Variants in PCDHA7 observed in about 807,000 individuals in gnomAD.
PCDHA7 encodes protocadherin alpha-7.
In PCDHA7, 37 loss-of-function variants were observed where a neutral mutation model predicts 57.2. The ratio of observed to expected loss-of-function variants is 0.65; its 90% CI spans 0.50 to 0.85. The LOEUF (loss-of-function observed/expected upper bound fraction) is 0.85. Among genes scored for constraint, PCDHA7 ranks in the 40% least tolerant of loss-of-function variants. The pLI is 0.00. For synonymous variants in PCDHA7, 553 were observed against 558.8 expected (o/e 0.99, Z 0.15); for missense variants, 1,188 against 1,241.8 (o/e 0.96, Z 0.65).
Position 140,834,434 on chromosome 5 carries a change from T to A in PCDHA7, c.51T>A (p.Phe17Leu). The A allele has an allele frequency of 6.2e-7, 1 of 1,610,706 alleles. No individual in the cohort carries two copies. The highest frequency in any genetic ancestry group is 8.5e-7 in the Non-Finnish European group (1 of 1,178,300). The change falls in exon 1 of 4, where the codon TTT becomes TTA. Residue 17 changes from phenylalanine to leucine, a missense_variant. Phe to Leu is a conservative substitution (Grantham distance 22). This residue lies in a region of PCDHA7 where 194 missense variants were observed against 185.8 expected (regional missense o/e 1.04). Coordinates refer to ENST00000525929, the MANE Select transcript of PCDHA7 (RefSeq NM_018910.3). ...YDPGGRHLLL[F>L]IIILAAWEAG... is the part of the protein sequence containing the mutation. Reference sequence around the variant, plus strand: ...CAGGGGGCCGACATCTACTGCTGTTTATTATAATTCTAGCAGCTTGGGAGG... The same window carrying A: ...CAGGGGGCCGACATCTACTGCTGTTAATTATAATTCTAGCAGCTTGGGAGG...
chr5:140,845,017 A>T lies in PCDHA7; in HGVS notation c.2355+8279A>T, dbSNP rs1779662524. On this transcript the variant is annotated intron_variant, in intron 1 of 3. Transcript: ENST00000525929. ...TCACTTATGAACAAATAATGTAATC[A>T]TTTATGGGCATATTTTAGCCCCCTT... Among the ~76,000 whole-genome samples, 2 of 149,310 alleles carry T rather than the reference A, an allele frequency of 1.3e-5. 1 individual carries two copies. The highest frequency in any genetic ancestry group is 3.0e-5 in the Non-Finnish European group (2 of 66,738).
rs1554135389 is a variant in PCDHA7 at position 140,835,887 on chromosome 5, C to T, written c.1504C>T (p.Arg502Cys). The T allele has an allele frequency of 3.7e-6, 6 of 1,611,898 alleles. No homozygotes were observed. In the East Asian group the frequency reaches 1.1e-4, roughly 30 times the overall value. ...YSLVELRVGERALSSYVSVHA... is the reference protein window; with the variant it reads ...YSLVELRVGECALSSYVSVHA... ...GCTGGTGGAGCTGCGGGTGGGCGAG[C>T]GCGCGCTGTCGAGCTACGTGTCAGT... is the stretch of plus-strand genomic sequence containing the variant. The change falls in exon 1 of 4, where the codon CGC becomes TGC. Residue 502 changes from arginine to cysteine, a missense_variant. By Grantham distance (180) the Arg-to-Cys change is radical. Transcript: ENST00000525929.
At chr5:140,962,438 G>A (rs1375451859) in intron 1 of PCDHA7, among the ~76,000 whole-genome samples, 3 of 152,108 alleles carry the variant, frequency 2.0e-5, no homozygotes, top group Non-Finnish European at 2.9e-5. Context: ...CTTATCCAAA[G>A]ATGGCTTGAA....
intron 1 of PCDHA7, among the ~76,000 whole-genome samples, chr5:140,964,239 GTTGGC>G (rs2095819198): frequency 6.6e-6 from 1 of 152,180 alleles, no homozygotes; most frequent in African/African-American, 2.4e-5. Context: ...GGCTGATTGT[GTTGGC>G]TTTATATTTG....
intron 1 of PCDHA7, among the ~76,000 whole-genome samples, chr5:140,895,039 C>T (rs1274502441): frequency 6.6e-6 from 1 of 152,060 alleles, no homozygotes. Context: ...GTCCCCCACC[C>T]ACACCATTCT....
chr5:140,984,960 CAG>C (rs1387655082), intron 3 of PCDHA7, among the ~76,000 whole-genome samples: 2 of 151,386 alleles, frequency 1.3e-5, no homozygotes, highest in African/African-American at 4.9e-5. Context: ...TTTTTTGAGA[CAG>C]AGTCTCGCTC....
rs1022603902 is a variant in PCDHA7, at chr5:140,840,855, G to A, written c.2355+4117G>A. 5.9e-5 allele frequency among the ~76,000 whole-genome samples: 9 copies of A among 151,892 alleles called. 1 individual carries two copies. Among genetic ancestry groups the A allele is most frequent in the African/African-American group, 2.2e-4 (9 of 41,294 alleles). Reference sequence around the variant, plus strand: ...AAATATTAATGCATTTCTTCCACACGAAACTATGGAGGACAGTTTACATTT... The same window carrying A: ...AAATATTAATGCATTTCTTCCACACAAAACTATGGAGGACAGTTTACATTT... On this transcript the variant is annotated intron_variant, in intron 1 of 3. Transcript: ENST00000525929.
chr5:140,927,453 G>T, intron 1 of PCDHA7: 3 of 1,614,168 alleles, frequency 1.9e-6, no homozygotes, highest in Non-Finnish European at 2.5e-6. Context: ...AGTTGGTGTT[G>T]GAGAAAGCAC....
At position 140,836,722 on chromosome 5, in the gene PCDHA7, C is replaced by T. The variant is rs1218762370; in HGVS notation, c.2339C>T (p.Pro780Leu). ...MAFSPSLPQGPSSTDNPRQPN... is the reference protein window; with the variant it reads ...MAFSPSLPQGLSSTDNPRQPN... ...TTCAGTCCCAGCCTTCCTCAGGGTC[C>T]ATCCTCTACAGACAATGTGAGTCAT... Residue 780 changes from proline (P) to leucine (L), a missense_variant, in exon 1 of 4, where the codon CCA (proline) becomes CTA (leucine). This residue lies in a region of PCDHA7 where 892 missense variants were observed against 788.5 expected (regional missense o/e 1.13). Coordinates refer to ENST00000525929, the MANE Select transcript of PCDHA7 (RefSeq NM_018910.3). 3.1e-6 allele frequency: 5 copies of T among 1,611,958 alleles called. No individual in the cohort carries two copies. Among genetic ancestry groups the T allele is most frequent in the Non-Finnish European group, 4.2e-6 (5 of 1,178,776 alleles).
chr5:140,891,374 A>G (rs960838202), intron 1 of PCDHA7, among the ~76,000 whole-genome samples: 11 of 151,996 alleles, frequency 7.2e-5, no homozygotes, highest in Non-Finnish European at 1.3e-4. Flanking sequence ...TATACATTGC[A>G]CCATATTTGC....
Position 140,835,929 on chromosome 5 carries a change from A to G in PCDHA7, c.1546A>G (p.Lys516Glu). 1 of 1,612,456 alleles carries G rather than the reference A, an allele frequency of 6.2e-7. No individual in the cohort carries two copies. Among genetic ancestry groups the G allele is most frequent in the Non-Finnish European group, 8.5e-7 (1 of 1,179,656 alleles). The part of the protein sequence containing the change: ...SYVSVHAESG[K>E]VYALQPLDHE... ...CGTGTCAGTGCACGCGGAGAGCGGC[A>G]AGGTGTACGCGCTGCAGCCGTTGGA... The change falls in exon 1 of 4, where the codon AAG (lysine) becomes GAG (glutamate). Residue 516 changes from lysine (K) to glutamate (E), a missense_variant. By Grantham distance (56) the Lys-to-Glu change is moderately conservative. Coordinates refer to ENST00000525929, the MANE Select transcript of PCDHA7 (RefSeq NM_018910.3).
At chr5:140,980,475 C>G (rs538255137) in intron 2 of PCDHA7, among the ~76,000 whole-genome samples, 10 of 152,148 alleles carry the variant, frequency 6.6e-5, no homozygotes, top group African/African-American at 2.2e-4. Context: ...ACTAAAAATA[C>G]AAAAATTAGC....
chr5:140,998,005 C>T (rs539275150), intron 3 of PCDHA7, among the ~76,000 whole-genome samples: 300 of 152,282 alleles, frequency 2.0e-3, no homozygotes, highest in Non-Finnish European at 3.8e-3. Context: ...TCTGAGCCTT[C>T]CATCCCCACC....
chr5:140,882,918 G>A (rs1554176085), intron 1 of PCDHA7: 1 of 1,614,186 alleles, frequency 6.2e-7, no homozygotes, highest in South Asian at 1.1e-5. Context: ...GCCAGTGATG[G>A]AGGTAAACCC....
At chr5:140,856,609 A>G in intron 1 of PCDHA7, 1 of 1,598,102 alleles carries the variant, frequency 6.3e-7, no homozygotes, top group Non-Finnish European at 8.6e-7. Context: ...AAAAAGACAA[A>G]GACAAATTCC....
chr5:140,877,649 C>T (rs369703340), intron 1 of PCDHA7: 4 of 1,613,556 alleles, frequency 2.5e-6, no homozygotes, highest in Middle Eastern at 1.7e-4. Context: ...TGCTCAGCGC[C>T]GCCCACCGTG....
chr5:140,961,027 C>G (rs1222428259), intron 1 of PCDHA7, among the ~76,000 whole-genome samples: 1 of 152,164 alleles, frequency 6.6e-6, no homozygotes, highest in Non-Finnish European at 1.5e-5. Flanking sequence ...CTTGCTACCT[C>G]CTTGTTTTGA....
At chr5:140,968,170 C>G in intron 1 of PCDHA7, 1 of 1,614,132 alleles carries the variant, frequency 6.2e-7, no homozygotes, top group Middle Eastern at 1.6e-4. Context: ...ATCCACCAAG[C>G]TTCCTGGAGG....
At chr5:140,885,453 C>T (rs1269332427) in intron 1 of PCDHA7, among the ~76,000 whole-genome samples, 3 of 152,100 alleles carry the variant, frequency 2.0e-5, no homozygotes, top group African/African-American at 7.2e-5. Flanking sequence ...ATATTATTTA[C>T]CTAATGATGG....
Sources: gnomAD v4.1 joint callset for allele counts (sites outside exome capture counted in the v4.1 genomes callset) on GRCh38, gnomAD v4.1.1 for gene constraint, gnomAD v4.1.1 regional missense constraint, MANE v1.5 for transcripts, NCBI Gene and HGNC (gene_info 2026-07-23, HGNC 2026-07-21) for gene names.